The following ZMYM4 variants were observed in gnomAD, a reference collection of about 807,000 sequenced individuals.
ZMYM4 encodes the protein zinc finger MYM-type containing 4, also known as zinc finger MYM-type protein 4.
A neutral mutation model predicts 183.2 loss-of-function variants in ZMYM4; 31 were observed. The ratio of observed to expected loss-of-function variants is 0.17; its 90% CI spans 0.13 to 0.23. The LOEUF (loss-of-function observed/expected upper bound fraction) is 0.23, where lower values mean the gene tolerates loss of function less well. Among genes scored for constraint, ZMYM4 ranks in the 10% least tolerant of loss-of-function variants. The pLI is 1.00. For missense variants in ZMYM4, 1,273 were observed against 1,840.3 expected, an observed-to-expected ratio of 0.69 and a Z score of 5.64; for synonymous variants, 592 against 631.2, an observed-to-expected ratio of 0.94 and a Z score of 0.93.
chr1:35,306,340 A>G (rs1641532255), intron 1 of ZMYM4, among the ~76,000 whole-genome samples: 1 of 151,654 alleles, frequency 6.6e-6, no homozygotes, highest in Non-Finnish European at 1.5e-5. Flanking sequence ...CTTGTCTTAT[A>G]TTTTCCTTCT....
intron 26 of ZMYM4, among the ~76,000 whole-genome samples, chr1:35,413,131 CT>C (rs1381548568): frequency 6.6e-6 from 1 of 151,850 alleles, no homozygotes; most frequent in African/African-American, 2.4e-5. Context: ...CAGTCTCAAA[CT>C]CCCAGGTTCA....
chr1:35,361,358 ATTT>A lies in ZMYM4; in HGVS notation c.669+113_669+115del, dbSNP rs370667098. 10 of 940,568 alleles carry A rather than the reference ATTT, an allele frequency of 1.1e-5. No homozygotes were observed. In the African/African-American group the frequency reaches 1.6e-4, roughly 15 times the overall value. 58.3% of individuals were successfully genotyped at this position (940,568 alleles called of 1,614,324 possible). On this transcript the variant is annotated intron_variant, in intron 4 of 29. Transcript: ENST00000314607. Reference sequence around the variant, plus strand: ...TAACAATGTATTAGGTAGAGCACTGATTTTTTTTTTTTAATTTGCTTAATATTT... The same window carrying A: ...TAACAATGTATTAGGTAGAGCACTGATTTTTTTTTAATTTGCTTAATATTT...
At chr1:35,274,621 A>T (rs1337489101) in intron 1 of ZMYM4, among the ~76,000 whole-genome samples, 5 of 151,014 alleles carry the variant, frequency 3.3e-5, no homozygotes, top group Non-Finnish European at 7.4e-5. Context: ...TTTTTTAAAA[A>T]AAAAAAAAAA....
At chr1:35,309,752 C>T (rs139776951) in intron 1 of ZMYM4, among the ~76,000 whole-genome samples, 4 of 151,984 alleles carry the variant, frequency 2.6e-5, no homozygotes, top group Non-Finnish European at 4.4e-5. Flanking sequence ...CCACTGTAGT[C>T]CAGCCTGGCC....
At chr1:35,358,760 G>T in intron 2 of ZMYM4, 165 bp from the exon 3 acceptor site, 1 of 590,396 alleles carries the variant, frequency 1.7e-6, no homozygotes, top group Non-Finnish European at 2.8e-6. Context: ...TGTCAGATAG[G>T]AATAGTTATA....
intron 2 of ZMYM4, among the ~76,000 whole-genome samples, chr1:35,327,000 C>T (rs1642531283): frequency 6.6e-6 from 1 of 152,134 alleles, no homozygotes; most frequent in Admixed American, 6.5e-5. Context: ...ACTGGGACTA[C>T]AGGCACACGT....
intron 7 of ZMYM4, among the ~76,000 whole-genome samples, chr1:35,380,821 A>G (rs1644441516): frequency 6.6e-6 from 1 of 152,224 alleles, no homozygotes; most frequent in Non-Finnish European, 1.5e-5. Flanking sequence ...TAACTGTGCT[A>G]GAATATGCAC....
intron 1 of ZMYM4, among the ~76,000 whole-genome samples, chr1:35,316,311 A>G (rs1314988392): frequency 6.6e-6 from 1 of 152,214 alleles, no homozygotes; most frequent in African/African-American, 2.4e-5. Context: ...GCAAATGTGT[A>G]ATAGTAAGTT....
intron 1 of ZMYM4, among the ~76,000 whole-genome samples, chr1:35,282,980 GTTTT>G (rs775211352): frequency 3.8e-5 from 1 of 26,222 alleles, no homozygotes. Flanking sequence ...TGTGTGTGTG[GTTTT>G]TTTTTTTTTT....
At position 35,406,810 on chromosome 1, in the gene ZMYM4, A is replaced by G. The variant is rs1188624; in HGVS notation, c.3797-1198A>G. ...TGTGTATGTAATCTTATCTCAGTGC[A>G]GAAGAGCAATGACTAGAAAGGGTGT... On this transcript the variant is annotated intron_variant, in intron 25 of 29. Transcript: ENST00000314607. Among the ~76,000 whole-genome samples, 1,248 of 152,344 alleles carry G rather than the reference A, an allele frequency of 8.2e-3. 20 individuals are homozygous for G. Among genetic ancestry groups the G allele is most frequent in the African/African-American group, 0.024 (1,001 of 41,584 alleles).
At chr1:35,391,847 C>T (rs906370295) in intron 15 of ZMYM4, among the ~76,000 whole-genome samples, 1 of 151,144 alleles carries the variant, frequency 6.6e-6, no homozygotes, top group Non-Finnish European at 1.5e-5. Context: ...TTGAGACCAT[C>T]CTGGCCAACA....
At chr1:35,282,997 T>G (rs1452276039) in intron 1 of ZMYM4, among the ~76,000 whole-genome samples, 20 of 96,774 alleles carry the variant, frequency 2.1e-4, no homozygotes, top group African/African-American at 6.6e-4. Flanking sequence ...TTTTTTTTTT[T>G]TTTTTTTTTT....
intron 1 of ZMYM4, among the ~76,000 whole-genome samples, chr1:35,318,697 A>T (rs1642158907): frequency 6.6e-6 from 1 of 152,202 alleles, no homozygotes; most frequent in African/African-American, 2.4e-5. Context: ...ACCTCAAGTC[A>T]TCCGCCTGCC....
At position 35,413,994 on chromosome 1, in the gene ZMYM4, T is replaced by C. The variant is rs1411841099; in HGVS notation, c.3971T>C (p.Ile1324Thr). The C allele has an allele frequency of 6.4e-7, 1 of 1,569,774 alleles. No homozygotes were observed. Among genetic ancestry groups the C allele is most frequent in the South Asian group, 1.2e-5 (1 of 83,020 alleles). Residue 1324 changes from isoleucine (I) to threonine (T), a missense_variant, in exon 27 of 30, where the codon ATA (isoleucine) becomes ACA (threonine). Coordinates refer to ENST00000314607, the MANE Select transcript of ZMYM4 (RefSeq NM_005095.3). ...TAGTACCTGTTTGAAAATGGTAGAA[T>C]AGATAACATTTTTACTGAGCCCTAT... ...IQQYLFENGR[I>T]DNIFTEPYSR...
intron 2 of ZMYM4, among the ~76,000 whole-genome samples, chr1:35,346,366 AG>A (rs1299635173): frequency 6.6e-6 from 1 of 152,202 alleles, no homozygotes; most frequent in Non-Finnish European, 1.5e-5. Flanking sequence ...ATAGTTCTAT[AG>A]AGGTGAGACG....
At chr1:35,404,759 T>C (rs1644971727) in intron 23 of ZMYM4, 1 of 268,910 alleles carries the variant, frequency 3.7e-6, no homozygotes, top group Non-Finnish European at 7.0e-6. Flanking sequence ...GGTGAGTCTA[T>C]ATCTGGAACA....
At chr1:35,343,175 A>G (rs1025355682) in intron 2 of ZMYM4, among the ~76,000 whole-genome samples, 1 of 152,148 alleles carries the variant, frequency 6.6e-6, no homozygotes, top group Non-Finnish European at 1.5e-5. Context: ...GTTCTTTGAA[A>G]AGCACAAATT....
chr1:35,414,539 T>A (rs545633102), intron 27 of ZMYM4, among the ~76,000 whole-genome samples: 2 of 152,236 alleles, frequency 1.3e-5, no homozygotes, highest in South Asian at 4.1e-4. Context: ...TTCAATGTTA[T>A]GCTTAGTAAT....
chr1:35,324,133 A>G (rs1359448160), intron 1 of ZMYM4, among the ~76,000 whole-genome samples: 1 of 151,864 alleles, frequency 6.6e-6, no homozygotes, highest in Non-Finnish European at 1.5e-5. Flanking sequence ...AATCTCAGAT[A>G]TGGTATTTAT....
Sources: gnomAD v4.1 joint callset for allele counts (sites outside exome capture counted in the v4.1 genomes callset) on GRCh38, gnomAD v4.1.1 for gene constraint, MANE v1.5 for transcripts, NCBI Gene and HGNC (gene_info 2026-07-23, HGNC 2026-07-21) for gene names.